Variants in DNM2 observed in about 807,000 individuals in gnomAD.
DNM2 encodes the protein dynamin-2.
A neutral mutation model predicts 99.0 loss-of-function variants in DNM2; 15 were observed. The ratio of observed to expected loss-of-function variants is 0.15; its 90% CI spans 0.10 to 0.23. The LOEUF is 0.23. Ranked by LOEUF, DNM2 falls within the 10% of genes least tolerant of loss-of-function variation. The pLI is 1.00. For synonymous variants in DNM2, 525 were observed against 481.2 expected (o/e 1.09, Z -1.19); for missense variants, 742 against 1,189.4 (o/e 0.62, Z 5.53).
rs372295401 is a variant in DNM2, at chr19:10,795,336, T to C, written c.1129-36T>C. The C allele has an allele frequency of 1.3e-5, 21 of 1,611,822 alleles. No homozygotes were observed. Among genetic ancestry groups the C allele is most frequent in the Non-Finnish European group, 1.7e-5 (20 of 1,178,218 alleles). On this transcript the variant is annotated intron_variant, in intron 8 of 20. Coordinates refer to ENST00000389253, the MANE Select transcript of DNM2 (RefSeq NM_001005361.3). This position sits in a 1 kb window ranked among gnomAD's most constrained non-coding sequence, Gnocchi z 4.2. ...ACGCCTGCCACGGGGGCGCCCCGGG[T>C]GCCTCCATGCATGTGCTTGGTTTGT... is the stretch of plus-strand genomic sequence containing the variant.
At chr19:10,804,988 A>G (rs1026719763) in intron 12 of DNM2, among the ~76,000 whole-genome samples, 1 of 152,228 alleles carries the variant, frequency 6.6e-6, no homozygotes, top group Non-Finnish European at 1.5e-5. Flanking sequence ...AACAGGAGAT[A>G]TATGTTGTTT....
intron 11 of DNM2, among the ~76,000 whole-genome samples, chr19:10,800,011 C>T (rs919332477): frequency 3.3e-5 from 5 of 151,330 alleles, no homozygotes; most frequent in African/African-American, 1.2e-4. Context: ...CGTGAGCTAC[C>T]ACGCCTGGCT....
intron 1 of DNM2, among the ~76,000 whole-genome samples, chr19:10,747,240 A>G (rs2070022182): frequency 6.6e-6 from 1 of 151,884 alleles, no homozygotes; most frequent in Non-Finnish European, 1.5e-5. Flanking sequence ...AAACCCTTCC[A>G]CCTCCTCTCT....
rs1328353861 is a variant in DNM2, at chr19:10,786,573, A to G, written c.859A>G (p.Asn287Asp). The G allele has an allele frequency of 1.9e-6, 3 of 1,614,074 alleles. No homozygotes were observed. In the South Asian group the frequency reaches 3.3e-5, roughly 18 times the overall value. Residue 287 changes from asparagine to aspartate, a missense_variant, in exon 7 of 21, where the codon AAC becomes GAC. Physicochemically the swap from Asn to Asp is conservative, Grantham distance 23 (BLOSUM62 1). Coordinates refer to ENST00000389253, the MANE Select transcript of DNM2 (RefSeq NM_001005361.3). ...LQKTLNQQLT[N>D]HIRESLPALR... ...GACCTCTCTCCTGCAGCAACTGACC[A>G]ACCACATCCGGGAGTCGCTGCCGGC...
At chr19:10,824,177 G>A (rs936790623) in intron 17 of DNM2, 9 of 468,644 alleles carry the variant, frequency 1.9e-5, no homozygotes, top group Admixed American at 3.4e-5. Flanking sequence ...CTGAGGTAGA[G>A]TGAACATGGC....
In DNM2 at chr19:10,831,734, G is replaced by C. The variant is rs1455358566; in HGVS notation, c.*687G>C. 1.0e-6 allele frequency: 1 copy of C among 986,204 alleles called. No individual in the cohort carries two copies. The highest frequency in any genetic ancestry group is 1.2e-6 in the Non-Finnish European group (1 of 830,412). 61.1% of individuals were successfully genotyped at this position (986,204 alleles called of 1,614,324 possible). A position where few individuals can be genotyped will look rare whatever the true frequency, so the allele number is the denominator to read the frequency against. ...CTTGGGCTATGTGGGTGGTGGTGGC[G>C]GGGGGTCTTGGGGGCCTCTCAGCTC... On this transcript the variant is annotated 3_prime_UTR_variant, in exon 21 of 21. Transcript: ENST00000389253. The surrounding 1 kb of genome is among the most constrained non-coding windows in gnomAD (Gnocchi z 4.3).
At chr19:10,823,068 G>A (rs1187658376) in intron 16 of DNM2, among the ~76,000 whole-genome samples, 1 of 151,302 alleles carries the variant, frequency 6.6e-6, no homozygotes, top group Non-Finnish European at 1.5e-5. Flanking sequence ...TCGCGCCACT[G>A]CACTCCAGCC....
At position 10,831,088 on chromosome 19, in the gene DNM2, C is replaced by A; in HGVS notation, c.*41C>A. The stretch of plus-strand genomic sequence containing the variant: ...TGCTCTCGGGGGGGCCTCACGCACC[C>A]GCGGCGCAGGAGCTTCAGTGGTCTG... On this transcript the variant is annotated 3_prime_UTR_variant, in exon 21 of 21. Coordinates refer to ENST00000389253, the MANE Select transcript of DNM2 (RefSeq NM_001005361.3). This position sits in a 1 kb window ranked among gnomAD's most constrained non-coding sequence, Gnocchi z 4.3. 6.4e-7 allele frequency: 1 copy of A among 1,562,336 alleles called. No individual in the cohort carries two copies. The highest frequency in any genetic ancestry group is 8.7e-7 in the Non-Finnish European group (1 of 1,153,914).
chr19:10,746,733 T>G (rs1414363933), intron 1 of DNM2, among the ~76,000 whole-genome samples: 5 of 123,000 alleles, frequency 4.1e-5, no homozygotes, highest in South Asian at 3.0e-4. Context: ...TTTTGTTTTT[T>G]GTTTTTTTTT....
intron 1 of DNM2, among the ~76,000 whole-genome samples, chr19:10,733,898 T>C (rs1227511484): frequency 6.6e-6 from 1 of 150,752 alleles, no homozygotes; most frequent in Admixed American, 6.6e-5. Flanking sequence ...GTCCCAGCTA[T>C]TTGGGAGGCT....
rs1332681557 is a variant in DNM2, at chr19:10,718,221, C to G, written c.-22C>G. 2 of 1,451,568 alleles carry G rather than the reference C, an allele frequency of 1.4e-6. No homozygotes were observed. Among genetic ancestry groups the G allele is most frequent in the East Asian group, 3.1e-5 (1 of 32,320 alleles). 89.9% of individuals were successfully genotyped at this position (1,451,568 alleles called of 1,614,324 possible). A position where few individuals can be genotyped will look rare whatever the true frequency, so the allele number is the denominator to read the frequency against. On this transcript the variant is annotated 5_prime_UTR_variant, in exon 1 of 21. Transcript: ENST00000389253. ...CGGCGGGCGAGGAGCGCAGGGCGCT[C>G]GGGCCGGGGGCCGCCGGCGCCATGG... is the stretch of plus-strand genomic sequence containing the variant.
chr19:10,794,344 CGTGTGTGTGTGTGTGT>C (rs58263525), intron 8 of DNM2, among the ~76,000 whole-genome samples: 2 of 141,616 alleles, frequency 1.4e-5, no homozygotes, highest in Non-Finnish European at 3.1e-5. Context: ...CTTCTTTTTC[CGTGTGTGTGTGTGTGT>C]GTGTGTGTGT....
chr19:10,732,197 C>T (rs2069346980), intron 1 of DNM2, among the ~76,000 whole-genome samples: 1 of 150,898 alleles, frequency 6.6e-6, no homozygotes, highest in African/African-American at 2.4e-5. Flanking sequence ...AGGTTATCCG[C>T]CTGCTTCAGC....
intron 1 of DNM2, among the ~76,000 whole-genome samples, chr19:10,720,691 T>C (rs2068910024): frequency 6.6e-6 from 1 of 152,028 alleles, no homozygotes; most frequent in African/African-American, 2.4e-5. Flanking sequence ...GATTGCACCA[T>C]TACCCTCCAG....
chr19:10,779,502 C>CTTTT (rs55819116), intron 5 of DNM2, among the ~76,000 whole-genome samples: 14,453 of 29,516 alleles, frequency 0.49, 4,643 homozygotes, highest in Non-Finnish European at 0.58. Flanking sequence ...TTCTTTCTTT[C>CTTTT]TTTTTTTTTT....
rs1003264351 is a variant in DNM2 at position 10,831,184 on chromosome 19, C to T, written c.*137C>T. On this transcript the variant is annotated 3_prime_UTR_variant, in exon 21 of 21. Coordinates refer to ENST00000389253, the MANE Select transcript of DNM2 (RefSeq NM_001005361.3). The surrounding 1 kb of genome is among the most constrained non-coding windows in gnomAD (Gnocchi z 4.3). ...GCCCTGGCCTCTTCCTTAACGCTGG[C>T]CCCGGTCCAGGGCCGGCCCCTGTGC... The T allele has an allele frequency of 1.4e-6, 2 of 1,413,764 alleles. No homozygotes were observed. Among genetic ancestry groups the T allele is most frequent in the Admixed American group, 2.9e-5 (1 of 34,128 alleles). 87.6% of individuals were successfully genotyped at this position (1,413,764 alleles called of 1,614,324 possible). A position where few individuals can be genotyped will look rare whatever the true frequency, so the allele number is the denominator to read the frequency against.
chr19:10,823,927 C>G (rs1304553684), intron 17 of DNM2, 28 bp downstream of exon 17: 1 of 1,607,134 alleles, frequency 6.2e-7, no homozygotes, highest in Non-Finnish European at 8.5e-7. Flanking sequence ...GCAGCCAGGC[C>G]CAGAGCCCCC....
chr19:10,815,193 C>T (rs976635477), intron 15 of DNM2, among the ~76,000 whole-genome samples: 5 of 152,152 alleles, frequency 3.3e-5, no homozygotes, highest in Admixed American at 6.5e-5. Context: ...ACACAGGGCT[C>T]CCTTCATAGT....
At position 10,831,057 on chromosome 19, in the gene DNM2, G is replaced by C; in HGVS notation, c.*10G>C. On this transcript the variant is annotated 3_prime_UTR_variant, in exon 21 of 21. Coordinates refer to ENST00000389253, the MANE Select transcript of DNM2 (RefSeq NM_001005361.3). This position sits in a 1 kb window ranked among gnomAD's most constrained non-coding sequence, Gnocchi z 4.3. ...ATCCCTGCTCGACTAGGCCTCGAGG[G>C]GGGCGTGCTCTCGGGGGGGCCTCAC... 6.3e-7 allele frequency: 1 copy of C among 1,597,792 alleles called. No homozygotes were observed. Among genetic ancestry groups the C allele is most frequent in the Non-Finnish European group, 8.5e-7 (1 of 1,171,958 alleles).
Sources: gnomAD v4.1 joint callset for allele counts (sites outside exome capture counted in the v4.1 genomes callset) on GRCh38, gnomAD v4.1.1 for gene constraint, Gnocchi (gnomAD v3.1) non-coding constraint, MANE v1.5 for transcripts, NCBI Gene and HGNC (gene_info 2026-07-23, HGNC 2026-07-21) for gene names.